Variants in TXNRD2 observed in about 807,000 individuals in gnomAD.
TXNRD2 encodes the protein thioredoxin reductase 2, mitochondrial.
In TXNRD2, 67 loss-of-function variants were observed where a neutral mutation model predicts 70.8. The observed-to-expected ratio is 0.95, with a 90% CI of 0.78 to 1.16. The LOEUF (loss-of-function observed/expected upper bound fraction) is 1.16, where lower values mean the gene tolerates loss of function less well. Ranked by LOEUF, TXNRD2 falls within the 50% of genes most tolerant of loss-of-function variation. The pLI is 0.00. For synonymous variants in TXNRD2, 301 were observed against 295.8 expected, an observed-to-expected ratio of 1.02 and a Z score of -0.18; for missense variants, 644 against 719.9, an observed-to-expected ratio of 0.89 and a Z score of 1.21.
intron 14 of TXNRD2, 56 bp from the exon 15 acceptor site, chr22:19,878,493 C>A (rs1938613005): frequency 1.3e-6 from 2 of 1,484,898 alleles, no homozygotes; most frequent in Non-Finnish European, 9.4e-7. Flanking sequence ...CCTCGTGGCA[C>A]CTGCAGCTCC....
At chr22:19,925,020 C>T (rs951027280) in intron 2 of TXNRD2, among the ~76,000 whole-genome samples, 4 of 150,318 alleles carry the variant, frequency 2.7e-5, no homozygotes, top group Non-Finnish European at 2.9e-5. Context: ...CATGGTGGCT[C>T]ACGCCTGTAA....
chr22:19,915,141 G>A, intron 7 of TXNRD2, 73 bp downstream of exon 7: 1 of 1,438,980 alleles, frequency 6.9e-7, no homozygotes, highest in East Asian at 2.3e-5. Flanking sequence ...AAGCACGTGT[G>A]TAAAAACGTA....
At chr22:19,912,817 CG>C (rs1409385525) in intron 7 of TXNRD2, among the ~76,000 whole-genome samples, 2 of 152,210 alleles carry the variant, frequency 1.3e-5, no homozygotes, top group African/African-American at 2.4e-5. Flanking sequence ...TTGTGCTCCT[CG>C]GGGCCGCTCC....
chr22:19,877,977 G>A (rs1472053442), intron 16 of TXNRD2, 113 bp downstream of exon 16: 45 of 919,818 alleles, frequency 4.9e-5, no homozygotes, highest in South Asian at 7.0e-5. Flanking sequence ...GCAAACCCAC[G>A]AAGGCCACAT....
chr22:19,892,556 G>A (rs1939312420), intron 11 of TXNRD2, among the ~76,000 whole-genome samples: 1 of 152,240 alleles, frequency 6.6e-6, no homozygotes, highest in South Asian at 2.1e-4. Flanking sequence ...GAGTAGGGAG[G>A]GGCCTCGCTT....
intron 11 of TXNRD2, 159 bp from the exon 12 acceptor site, chr22:19,883,620 C>T: frequency 9.8e-7 from 1 of 1,022,266 alleles, no homozygotes. Context: ...GGCAAATCAC[C>T]TGAGGTCATG....
At chr22:19,888,855 A>G (rs1190851969) in intron 11 of TXNRD2, among the ~76,000 whole-genome samples, 1 of 151,108 alleles carries the variant, frequency 6.6e-6, no homozygotes, top group Non-Finnish European at 1.5e-5. Context: ...AGATTCTTGA[A>G]GCTTATTATT....
intron 8 of TXNRD2, among the ~76,000 whole-genome samples, chr22:19,901,143 G>T (rs1939759247): frequency 6.6e-6 from 1 of 152,200 alleles, no homozygotes; most frequent in African/African-American, 2.4e-5. Flanking sequence ...TGCTGTCTCT[G>T]CCACCGACGT....
At chr22:19,924,041 C>T (rs1482192873) in intron 2 of TXNRD2, among the ~76,000 whole-genome samples, 2 of 151,396 alleles carry the variant, frequency 1.3e-5, no homozygotes, top group Non-Finnish European at 2.9e-5. Flanking sequence ...CTTTGTTGCC[C>T]AGGCACTGGT....
At chr22:19,879,130 C>T (rs1198534973) in intron 14 of TXNRD2, among the ~76,000 whole-genome samples, 1 of 152,246 alleles carries the variant, frequency 6.6e-6, no homozygotes, top group East Asian at 1.9e-4. Context: ...GAACATATGT[C>T]CCAGCACACT....
chr22:19,884,810 T>C (rs1245704997), intron 11 of TXNRD2, among the ~76,000 whole-genome samples: 1 of 152,054 alleles, frequency 6.6e-6, no homozygotes, highest in Non-Finnish European at 1.5e-5. Flanking sequence ...CGTAACCCGC[T>C]AGTAGAGGGC....
intron 10 of TXNRD2, 111 bp from the exon 11 acceptor site, chr22:19,895,692 G>T: frequency 7.8e-7 from 1 of 1,284,142 alleles, no homozygotes; most frequent in Non-Finnish European, 1.1e-6. Flanking sequence ...GGTCTGTGCG[G>T]AAGACGGGGT....
chr22:19,908,556 AGATG>A (rs1223949886), intron 8 of TXNRD2, among the ~76,000 whole-genome samples: 1 of 151,682 alleles, frequency 6.6e-6, no homozygotes, highest in African/African-American at 2.4e-5. Context: ...TGAGAATGTA[AGATG>A]GTGTGGGCGC....
intron 11 of TXNRD2, 147 bp from the exon 12 acceptor site, chr22:19,883,608 TG>T: frequency 8.7e-7 from 1 of 1,150,848 alleles, no homozygotes; most frequent in Non-Finnish European, 1.3e-6. Context: ...GAGGACGAGG[TG>T]GGCAAATCAC....
rs113320358 is a variant in TXNRD2, at chr22:19,898,185, C to T, written c.683-55G>A. ...GATCCCAATTTTGGAAATGATGGGA[C>T]AACACCCCAGGGCCCTGTGCCACAG... On this transcript the variant is annotated intron_variant, in intron 9 of 17. Coordinates refer to ENST00000400521, the MANE Select transcript of TXNRD2 (RefSeq NM_006440.5). 5.6e-5 allele frequency: 84 copies of T among 1,489,846 alleles called. No individual in the cohort carries two copies. The African/African-American group carries it at 8.6e-4, about 15-fold the overall frequency. 92.3% of individuals were successfully genotyped at this position (1,489,846 alleles called of 1,614,324 possible).
intron 8 of TXNRD2, among the ~76,000 whole-genome samples, chr22:19,907,935 T>G (rs1940139763): frequency 1.4e-5 from 1 of 70,138 alleles, no homozygotes; most frequent in Non-Finnish European, 2.6e-5. Context: ...ACACCATGGG[T>G]AGCAGTGACA....
At chr22:19,925,240 C>T (rs1350837761) in intron 2 of TXNRD2, among the ~76,000 whole-genome samples, 2 of 151,822 alleles carry the variant, frequency 1.3e-5, no homozygotes, top group Non-Finnish European at 2.9e-5. Flanking sequence ...GCTGAGATCG[C>T]ACCACTGCAC....
At chr22:19,880,892 C>G in intron 12 of TXNRD2, 175 bp from the exon 13 acceptor site, 1 of 610,708 alleles carries the variant, frequency 1.6e-6, no homozygotes, top group East Asian at 2.7e-5. Context: ...TGAGGGGCAT[C>G]CCAAGGACCT....
intron 2 of TXNRD2, among the ~76,000 whole-genome samples, chr22:19,927,651 CAAAA>C (rs149665821): frequency 4.4e-5 from 3 of 68,386 alleles, no homozygotes; most frequent in Non-Finnish European, 5.6e-5. Flanking sequence ...GACCTTGTCT[CAAAA>C]AAAAAAAAAA....
Sources: gnomAD v4.1 joint callset for allele counts (sites outside exome capture counted in the v4.1 genomes callset) on GRCh38, gnomAD v4.1.1 for gene constraint, MANE v1.5 for transcripts, NCBI Gene and HGNC (gene_info 2026-07-23, HGNC 2026-07-21) for gene names.